The following FOXP2 variants were observed in gnomAD, a reference collection of about 807,000 sequenced individuals.
The protein encoded by FOXP2 is forkhead box protein P2.
Under a neutral mutation model 115.8 loss-of-function variants are expected in FOXP2, and 12 were observed. The observed-to-expected ratio is 0.10, with a 90% confidence interval of 0.07 to 0.17. The LOEUF is 0.17. Among genes scored for constraint, FOXP2 ranks in the 10% least tolerant of loss-of-function variants. FOXP2 has a pLI of 1.00. For synonymous variants in FOXP2, 328 were observed against 297.7 expected (o/e 1.10, Z -1.05); for missense variants, 629 against 843.5 (o/e 0.75, Z 3.15).
In FOXP2 at chr7:114,690,390, TTGTTGC is replaced by T; in HGVS notation, c.*466_*471del. The T allele has an allele frequency of 2.2e-6, 1 of 454,098 alleles. No individual in the cohort carries two copies. Among genetic ancestry groups the T allele is most frequent in the Admixed American group, 2.4e-5 (1 of 42,540 alleles). The allele number at this position is 454,098 out of a possible 1,614,324, so 28.1% of individuals were successfully genotyped here. A position where few individuals can be genotyped will look rare whatever the true frequency, so the allele number is the denominator to read the frequency against. ...GAAACAATTGCTGGTCAAGTTCAAC[TTGTTGC>T]TATTGTTTTTAATTTGCACAGGAGT... On this transcript the variant is annotated 3_prime_UTR_variant, in exon 17 of 17. Transcript: ENST00000350908.
At chr7:114,102,468 T>A (rs1790995390) in intron 1 of FOXP2, among the ~76,000 whole-genome samples, 1 of 151,960 alleles carries the variant, frequency 6.6e-6, no homozygotes, top group Non-Finnish European at 1.5e-5. Flanking sequence ...TTATGGACAA[T>A]ACCTAAATGA....
chr7:114,367,451 C>G (rs960041802), intron 2 of FOXP2, among the ~76,000 whole-genome samples: 1 of 151,954 alleles, frequency 6.6e-6, no homozygotes, highest in Admixed American at 6.6e-5. Context: ...TTGTTGTGGC[C>G]CCTCCAATCA....
At chr7:114,328,187 G>A (rs1456081629) in intron 2 of FOXP2, among the ~76,000 whole-genome samples, 1 of 150,660 alleles carries the variant, frequency 6.6e-6, no homozygotes, top group Non-Finnish European at 1.5e-5. Flanking sequence ...CCAAAGTGCT[G>A]AGATTACAGG....
chr7:114,329,643 GTTTTATTTATTTA>G (rs1797645004), intron 2 of FOXP2, among the ~76,000 whole-genome samples: 1 of 145,342 alleles, frequency 6.9e-6, no homozygotes, highest in Non-Finnish European at 1.5e-5. Context: ...CACTATGTAA[GTTTTATTTATTTA>G]TTTATTTATT....
At chr7:114,610,104 C>T (rs536660391) in intron 3 of FOXP2, among the ~76,000 whole-genome samples, 2 of 152,290 alleles carry the variant, frequency 1.3e-5, no homozygotes, top group South Asian at 4.1e-4. Flanking sequence ...TGATGCATAT[C>T]TGTTGTGTAT....
At chr7:114,393,279 T>G (rs1267836200) in intron 2 of FOXP2, among the ~76,000 whole-genome samples, 1 of 152,144 alleles carries the variant, frequency 6.6e-6, no homozygotes, top group Non-Finnish European at 1.5e-5. Context: ...CTACCTTACA[T>G]TTCCTTCTTC....
At chr7:114,230,475 A>G (rs2129165733) in intron 1 of FOXP2, among the ~76,000 whole-genome samples, 1 of 152,120 alleles carries the variant, frequency 6.6e-6, no homozygotes, top group South Asian at 2.1e-4. Flanking sequence ...AATGCTCAAC[A>G]AAATACTAGC....
At chr7:114,582,529 A>G (rs1801921670) in intron 3 of FOXP2, among the ~76,000 whole-genome samples, 1 of 152,220 alleles carries the variant, frequency 6.6e-6, no homozygotes, top group Non-Finnish European at 1.5e-5. Context: ...ACTGCTCATT[A>G]GAGTTAAAAC....
chr7:114,299,142 T>C (rs1253311126), intron 2 of FOXP2, among the ~76,000 whole-genome samples: 1 of 152,130 alleles, frequency 6.6e-6, no homozygotes, highest in Non-Finnish European at 1.5e-5. Context: ...ATCTTAAAAA[T>C]ATACTGCTCA....
intron 13 of FOXP2, 85 bp from the exon 14 acceptor site, chr7:114,661,980 A>C: frequency 6.5e-7 from 1 of 1,531,702 alleles, no homozygotes; most frequent in Non-Finnish European, 9.0e-7. Flanking sequence ...ACTCTGATTA[A>C]GTAAGATCAA....
chr7:114,495,041 ACAAT>A (rs1797245143), intron 2 of FOXP2, among the ~76,000 whole-genome samples: 1 of 152,202 alleles, frequency 6.6e-6, no homozygotes, highest in South Asian at 2.1e-4. Flanking sequence ...CATTACACAC[ACAAT>A]CAGTTATATG....
At position 114,390,055 on chromosome 7, in the gene FOXP2, T is replaced by TA. The variant is rs544888390; in HGVS notation, c.-10-36438dup. Among the ~76,000 whole-genome samples the TA allele has an allele frequency of 2.6e-4, 37 of 142,264 alleles. 1 individual carries two copies. In the South Asian group the frequency reaches 6.3e-3, roughly 24 times the overall value. 93.3% of individuals were successfully genotyped at this position (142,264 alleles called of 152,430 possible). A position where few individuals can be genotyped will look rare whatever the true frequency, so the allele number is the denominator to read the frequency against. On this transcript the variant is annotated intron_variant, in intron 2 of 17. Transcript: ENST00000634411. Reference sequence around the variant, plus strand: ...AAAAAAAAAAAAAAGCATAACAAGTTAAAAAAAAAGATTAGTGACAGTGAA... The same window carrying TA: ...AAAAAAAAAAAAAAGCATAACAAGTTAAAAAAAAAAGATTAGTGACAGTGAA...
chr7:114,414,363 A>C (rs1314497596), upstream of FOXP2: 1 of 152,444 alleles, frequency 6.6e-6, no homozygotes, highest in East Asian at 1.9e-4. Flanking sequence ...TGTTTTTGTG[A>C]AACAGCTAAG....
chr7:114,690,928 C>A lies in FOXP2; in HGVS notation c.*1002C>A, dbSNP rs1420421117. 8.8e-6 allele frequency: 4 copies of A among 454,352 alleles called. No individual in the cohort carries two copies. Among genetic ancestry groups the A allele is most frequent in the South Asian group, 1.6e-5 (1 of 64,480 alleles). The allele number at this position is 454,352 out of a possible 1,614,324, so 28.1% of individuals were successfully genotyped here. A position where few individuals can be genotyped will look rare whatever the true frequency, so the allele number is the denominator to read the frequency against. On this transcript the variant is annotated 3_prime_UTR_variant, in exon 17 of 17. Transcript: ENST00000350908. ...AACAAAGAAACAAATATGACAAAAA[C>A]CACAACTAAAAAATGTTAATTCAGT...
intron 2 of FOXP2, among the ~76,000 whole-genome samples, chr7:114,394,854 A>G (rs985276449): frequency 5.3e-5 from 8 of 152,154 alleles, no homozygotes; most frequent in African/African-American, 1.4e-4. Flanking sequence ...ACTAAATACA[A>G]TGTGTGATTC....
In FOXP2 at chr7:114,506,045, A is replaced by C. The variant is rs187223643; in HGVS notation, c.169-28572A>C. ...CCACTCCCACATTAAAAAACAACAA[A>C]AAAAAGCTAATACCAGTCAGATCAG... On this transcript the variant is annotated intron_variant, in intron 2 of 16. Coordinates refer to ENST00000350908, the MANE Select transcript of FOXP2 (RefSeq NM_014491.4). Among the ~76,000 whole-genome samples, 46 of 151,518 alleles carry C rather than the reference A, an allele frequency of 3.0e-4. No homozygotes were observed. The East Asian group carries it at 8.7e-3, about 29-fold the overall frequency.
intron 2 of FOXP2, among the ~76,000 whole-genome samples, chr7:114,481,819 T>C (rs968315900): frequency 1.9e-4 from 28 of 151,084 alleles, no homozygotes; most frequent in Admixed American, 1.7e-3. Context: ...TATATATCTA[T>C]CTATCTAATC....
Position 114,480,755 on chromosome 7 carries a change from G to A in FOXP2, c.169-53862G>A, listed in dbSNP as rs149339560. ...CGTATATATGTGTATGTATGTATAC[G>A]TATATATATACGTATACATACATAC... On this transcript the variant is annotated intron_variant, in intron 2 of 16. Transcript: ENST00000350908. Among the ~76,000 whole-genome samples the A allele has an allele frequency of 5.7e-4, 85 of 149,076 alleles. 1 individual carries two copies. The highest frequency in any genetic ancestry group is 1.1e-3 in the Admixed American group (17 of 14,902).
At chr7:114,274,274 C>CAT (rs1269893770) in intron 1 of FOXP2, among the ~76,000 whole-genome samples, 1 of 152,006 alleles carries the variant, frequency 6.6e-6, no homozygotes, top group Non-Finnish European at 1.5e-5. Flanking sequence ...CATGCATAAG[C>CAT]ATATATACAC....
Sources: gnomAD v4.1 joint callset for allele counts (sites outside exome capture counted in the v4.1 genomes callset) on GRCh38, gnomAD v4.1.1 for gene constraint, MANE v1.5 for transcripts, NCBI Gene and HGNC (gene_info 2026-07-23, HGNC 2026-07-21) for gene names.